The following KCNB2 variants were observed in gnomAD, a reference collection of about 807,000 sequenced individuals.
The protein encoded by KCNB2 is potassium voltage-gated channel subfamily B member 2, also known as delayed rectifier potassium channel protein.
KCNB2 carries 15 observed loss-of-function variants against 61.5 expected under a neutral mutation model. The ratio of observed to expected loss-of-function variants is 0.24; its 90% CI spans 0.16 to 0.38. The LOEUF (loss-of-function observed/expected upper bound fraction) is 0.38. Ranked by LOEUF, KCNB2 falls within the 10% of genes least tolerant of loss-of-function variation. KCNB2 has a pLI of 1.00. For missense variants in KCNB2, 828 were observed against 1,125.2 expected, an observed-to-expected ratio of 0.74 and a Z score of 3.78; for synonymous variants, 457 against 446.0, an observed-to-expected ratio of 1.02 and a Z score of -0.31.
Position 72,815,606 on chromosome 8 carries a change from G to A in KCNB2, c.580-120329G>A, listed in dbSNP as rs184380837. Among the ~76,000 whole-genome samples, 34 of 152,256 alleles carry A rather than the reference G, an allele frequency of 2.2e-4. No homozygotes were observed. In the East Asian group the frequency reaches 6.2e-3, roughly 28 times the overall value. ...ATGAATGAATGAACAAACAGGGACC[G>A]AGACTAGGTTAATACTTTCCTTAGT... On this transcript the variant is annotated intron_variant, in intron 2 of 2. Transcript: ENST00000523207.
chr8:72,770,413 G>A (rs1019734689), intron 2 of KCNB2, among the ~76,000 whole-genome samples: 9 of 152,172 alleles, frequency 5.9e-5, no homozygotes, highest in African/African-American at 2.2e-4. Context: ...TGAGCTCCAA[G>A]GAGGAAAGTC....
Position 72,566,475 on chromosome 8 carries a change from G to A in KCNB2, c.-93-1167G>A, listed in dbSNP as rs117978731. On this transcript the variant is annotated intron_variant, in intron 1 of 2. Coordinates refer to ENST00000523207, the MANE Select transcript of KCNB2 (RefSeq NM_004770.3). ...AGCACTTTGGGAGGCCAAGGCCAGCGGATTGCTTAAGCTTGGGAATTTCAG... is the reference window on the plus strand; with the variant it reads ...AGCACTTTGGGAGGCCAAGGCCAGCAGATTGCTTAAGCTTGGGAATTTCAG... Among the ~76,000 whole-genome samples the A allele has an allele frequency of 3.9e-3, 597 of 152,052 alleles. 4 individuals carry two copies. The highest frequency in any genetic ancestry group is 7.4e-3 in the Non-Finnish European group (504 of 68,006).
chr8:72,828,949 T>C (rs1550463), intron 2 of KCNB2, among the ~76,000 whole-genome samples: 124,527 of 152,074 alleles, frequency 0.82, 51,751 homozygotes, highest in African/African-American at 0.95. Flanking sequence ...TGTTGACCTG[T>C]GTGCATTTAT....
intron 2 of KCNB2, among the ~76,000 whole-genome samples, chr8:72,908,527 T>G (rs1180192964): frequency 2.6e-5 from 4 of 152,214 alleles, no homozygotes; most frequent in African/African-American, 4.8e-5. Flanking sequence ...GAAACATAGT[T>G]TCTTCCTTCC....
intron 2 of KCNB2, among the ~76,000 whole-genome samples, chr8:72,743,379 T>A (rs2128994787): frequency 6.6e-6 from 1 of 152,330 alleles, no homozygotes; most frequent in African/African-American, 2.4e-5. Flanking sequence ...TCTCTAACTG[T>A]GACCTGTACC....
intron 2 of KCNB2, among the ~76,000 whole-genome samples, chr8:72,634,379 T>G (rs550904645): frequency 1.3e-5 from 2 of 152,282 alleles, no homozygotes; most frequent in East Asian, 3.9e-4. Flanking sequence ...CACATTCTAA[T>G]TATCGAGTCT....
At chr8:72,735,120 A>G (rs1474859227) in intron 2 of KCNB2, among the ~76,000 whole-genome samples, 1 of 152,120 alleles carries the variant, frequency 6.6e-6, no homozygotes, top group Non-Finnish European at 1.5e-5. Flanking sequence ...AATTATAGTC[A>G]CTTTATACCA....
At chr8:72,858,554 A>G (rs1810243168) in intron 2 of KCNB2, among the ~76,000 whole-genome samples, 1 of 152,244 alleles carries the variant, frequency 6.6e-6, no homozygotes, top group Non-Finnish European at 1.5e-5. Flanking sequence ...TAAGGCACTA[A>G]GCAGTTTTCC....
At position 72,670,468 on chromosome 8, in the gene KCNB2, G is replaced by A. The variant is rs146338760; in HGVS notation, c.579+102155G>A. Among the ~76,000 whole-genome samples the A allele has an allele frequency of 1.7e-3, 266 of 152,172 alleles. 2 individuals are homozygous for A. The highest frequency in any genetic ancestry group is 6.0e-3 in the African/African-American group (248 of 41,514). On this transcript the variant is annotated intron_variant, in intron 2 of 2. Transcript: ENST00000523207. ...ACAAGATTTCATGGGAACAGTCTGG[G>A]CTGTTCATCTCTTACCCACAGCTCT...
chr8:72,903,078 A>G (rs1340797462), intron 2 of KCNB2, among the ~76,000 whole-genome samples: 1 of 152,164 alleles, frequency 6.6e-6, no homozygotes, highest in African/African-American at 2.4e-5. Flanking sequence ...GAAAGTAAAC[A>G]TTCTAGTTGT....
intron 2 of KCNB2, among the ~76,000 whole-genome samples, chr8:72,935,536 A>G (rs1414205158): frequency 6.6e-6 from 1 of 152,206 alleles, no homozygotes; most frequent in Admixed American, 6.5e-5. Context: ...GCGATCACCA[A>G]TTCTGTCTAG....
At chr8:72,603,235 C>A (rs1336092564) in intron 2 of KCNB2, among the ~76,000 whole-genome samples, 2 of 152,166 alleles carry the variant, frequency 1.3e-5, no homozygotes, top group East Asian at 3.9e-4. Context: ...TAGCCTGGCA[C>A]ACAAGGCCTT....
intron 2 of KCNB2, among the ~76,000 whole-genome samples, chr8:72,923,887 A>G (rs1388170827): frequency 6.6e-6 from 1 of 152,212 alleles, no homozygotes; most frequent in Non-Finnish European, 1.5e-5. Flanking sequence ...ATCATTAAAA[A>G]TTGGCATTTA....
rs1392307002 is a variant in KCNB2 at position 72,937,131 on chromosome 8, G to A, written c.1776G>A (p.Glu592=). The change falls in exon 3 of 3, where the codon GAG becomes GAA. Residue 592 remains glutamate, a synonymous_variant. Transcript: ENST00000523207. Reference sequence around the variant, plus strand: ...AGCAGCTGGCCGTGGCACAGACCGAGGTCATTGTGGACATGAAGAGCACCT... The same window carrying A: ...AGCAGCTGGCCGTGGCACAGACCGAAGTCATTGTGGACATGAAGAGCACCT... ...PQEQLAVAQT[E]VIVDMKSTSS... 4 of 1,614,030 alleles carry A rather than the reference G, an allele frequency of 2.5e-6. No homozygotes were observed. The highest frequency in any genetic ancestry group is 1.3e-5 in the African/African-American group (1 of 74,914).
intron 2 of KCNB2, among the ~76,000 whole-genome samples, chr8:72,670,752 T>C (rs1806549930): frequency 6.6e-6 from 1 of 152,206 alleles, no homozygotes; most frequent in Non-Finnish European, 1.5e-5. Flanking sequence ...CAGGAATTAA[T>C]CATTTGCCTT....
intron 1 of KCNB2, among the ~76,000 whole-genome samples, chr8:72,561,221 A>G (rs944830175): frequency 6.6e-6 from 1 of 151,792 alleles, no homozygotes; most frequent in Non-Finnish European, 1.5e-5. Flanking sequence ...CAGTGGCACA[A>G]TCTCGGCTCA....
At chr8:72,629,548 G>A (rs75164475) in intron 2 of KCNB2, among the ~76,000 whole-genome samples, 5 of 152,174 alleles carry the variant, frequency 3.3e-5, no homozygotes, top group African/African-American at 1.2e-4. Context: ...GATGACTGGC[G>A]TGGCTGGGAA....
rs759713671 is a variant in KCNB2 at position 72,865,462 on chromosome 8, G to A, written c.580-70473G>A. Among the ~76,000 whole-genome samples, 6 of 152,084 alleles carry A rather than the reference G, an allele frequency of 3.9e-5. No homozygotes were observed. The East Asian group carries it at 5.8e-4, about 15-fold the overall frequency. On this transcript the variant is annotated intron_variant, in intron 2 of 2. Coordinates refer to ENST00000523207, the MANE Select transcript of KCNB2 (RefSeq NM_004770.3). ...CTCCAAGGACATATTTTGTTTGGCC[G>A]ATTTCATGAGAAAATGTATTTTGAA...
chr8:72,714,006 G>C (rs1051793192), intron 2 of KCNB2, among the ~76,000 whole-genome samples: 1 of 152,230 alleles, frequency 6.6e-6, no homozygotes, highest in African/African-American at 2.4e-5. Context: ...AGAACTACAT[G>C]ATGAATGCAC....
Sources: gnomAD v4.1 joint callset for allele counts (sites outside exome capture counted in the v4.1 genomes callset) on GRCh38, gnomAD v4.1.1 for gene constraint, MANE v1.5 for transcripts, NCBI Gene and HGNC (gene_info 2026-07-23, HGNC 2026-07-21) for gene names.